Variants in MICOS10 observed in about 807,000 individuals in gnomAD.
MICOS10 encodes MICOS complex subunit MIC10.
Under a neutral mutation model 13.4 loss-of-function variants are expected in MICOS10, and 5 were observed. That is an observed-to-expected ratio of 0.37 (90% CI 0.20 to 0.78). The LOEUF (loss-of-function observed/expected upper bound fraction) is 0.78, where lower values mean the gene tolerates loss of function less well. Ranked by LOEUF, MICOS10 falls within the 30% of genes least tolerant of loss-of-function variation. MICOS10 has a pLI of 0.47. For missense variants in MICOS10, 101 were observed against 94.6 expected (o/e 1.07, Z -0.28); for synonymous variants, 35 against 33.6 (o/e 1.04, Z -0.15).
chr1:19,611,441 T>C (rs991058692), intron 1 of MICOS10, among the ~76,000 whole-genome samples: 4 of 151,156 alleles, frequency 2.6e-5, no homozygotes, highest in African/African-American at 7.3e-5. Flanking sequence ...GAAGAACTTA[T>C]CTTTCTCTTT....
At chr1:19,622,210 C>A in intron 2 of MICOS10, 63 bp downstream of exon 2, 1 of 1,367,468 alleles carries the variant, frequency 7.3e-7, no homozygotes, top group Non-Finnish European at 1.0e-6. Flanking sequence ...AGCAGGGACA[C>A]TTCCAGAGGA....
intron 1 of MICOS10, among the ~76,000 whole-genome samples, chr1:19,613,737 A>G (rs1334639901): frequency 1.3e-5 from 2 of 152,206 alleles, no homozygotes; most frequent in South Asian, 2.1e-4. Context: ...AGTTTGGAAG[A>G]TGTTTAGTTT....
chr1:19,607,692 A>G (rs1173120599), intron 1 of MICOS10, among the ~76,000 whole-genome samples: 2 of 152,242 alleles, frequency 1.3e-5, no homozygotes, highest in Non-Finnish European at 2.9e-5. Flanking sequence ...CAAGAAAAGT[A>G]GCTCTCAAAG....
intron 1 of MICOS10, among the ~76,000 whole-genome samples, chr1:19,612,324 G>A (rs1338619564): frequency 6.6e-6 from 1 of 151,694 alleles, no homozygotes; most frequent in Admixed American, 6.6e-5. Flanking sequence ...CCAAAGTGCT[G>A]TAGGTGTGAG....
At chr1:19,604,629 G>A (rs1309679002) in intron 1 of MICOS10, among the ~76,000 whole-genome samples, 1 of 152,144 alleles carries the variant, frequency 6.6e-6, no homozygotes, top group African/African-American at 2.4e-5. Flanking sequence ...ATTGTGGGTC[G>A]TGGCTATTGT....
chr1:19,625,301 A>C, intron 3 of MICOS10: 2 of 1,194,384 alleles, frequency 1.7e-6, no homozygotes, highest in East Asian at 1.2e-4. Flanking sequence ...GTACAAATGC[A>C]TGTCCTAATT....
chr1:19,614,851 C>T (rs907123755), intron 1 of MICOS10, among the ~76,000 whole-genome samples: 2 of 152,190 alleles, frequency 1.3e-5, no homozygotes, highest in African/African-American at 4.8e-5. Flanking sequence ...AGCCTCCTCT[C>T]CTGCTGTCCT....
intron 3 of MICOS10, chr1:19,625,460 A>G (rs1364685756): frequency 1.6e-6 from 2 of 1,289,326 alleles, no homozygotes; most frequent in Non-Finnish European, 2.0e-6. Flanking sequence ...TAGGGGAGCC[A>G]TCTCTGCACC....
At position 19,627,832 on chromosome 1, in the gene MICOS10, A is replaced by G. The variant is rs779048933; in HGVS notation, c.*1431A>G. On this transcript the variant is annotated 3_prime_UTR_variant, in exon 4 of 4. Coordinates refer to ENST00000322753, the MANE Select transcript of MICOS10 (RefSeq NM_001032363.4). ...TTAGACCTTAGTTCTTGCAAGTGCT[A>G]TAGTGAGTACATTCAGGGTAGCAAA... is the stretch of plus-strand genomic sequence containing the variant. 2 of 152,306 alleles carry G rather than the reference A, an allele frequency of 1.3e-5. No individual in the cohort carries two copies. The highest frequency in any genetic ancestry group is 2.9e-5 in the Non-Finnish European group (2 of 68,098). 9.4% of individuals were successfully genotyped at this position (152,306 alleles called of 1,614,324 possible).
intron 1 of MICOS10, among the ~76,000 whole-genome samples, chr1:19,617,952 C>T (rs1770488): frequency 0.11 from 16,526 of 151,632 alleles, 3,037 homozygotes; most frequent in African/African-American, 0.38. Flanking sequence ...CAGCAAAGCC[C>T]GATGTGTCAT....
chr1:19,623,136 T>C (rs1186862419), intron 2 of MICOS10, among the ~76,000 whole-genome samples: 6 of 152,062 alleles, frequency 3.9e-5, no homozygotes. Flanking sequence ...TTGGCTAAGA[T>C]GGTCTCGATC....
chr1:19,608,929 C>G (rs1365293081), intron 1 of MICOS10, among the ~76,000 whole-genome samples: 1 of 149,366 alleles, frequency 6.7e-6, no homozygotes, highest in Non-Finnish European at 1.5e-5. Flanking sequence ...CTTCTGGCCT[C>G]AAGCAATCCT....
At chr1:19,618,809 C>T (rs1384709148) in intron 1 of MICOS10, among the ~76,000 whole-genome samples, 1 of 152,236 alleles carries the variant, frequency 6.6e-6, no homozygotes, top group Non-Finnish European at 1.5e-5. Flanking sequence ...ATCTTAAAGA[C>T]TGGTAATTCC....
intron 1 of MICOS10, among the ~76,000 whole-genome samples, chr1:19,619,707 CG>C (rs2094896566): frequency 6.6e-6 from 1 of 152,072 alleles, no homozygotes; most frequent in Admixed American, 6.5e-5. Context: ...ATCTACTAGC[CG>C]GTTTTATGAT....
chr1:19,616,708 A>C (rs2094885665), intron 1 of MICOS10, among the ~76,000 whole-genome samples: 1 of 152,218 alleles, frequency 6.6e-6, no homozygotes, highest in Non-Finnish European at 1.5e-5. Flanking sequence ...CCTCTCCATG[A>C]GGTCTATCCC....
intron 2 of MICOS10, among the ~76,000 whole-genome samples, chr1:19,622,961 C>T (rs1042686184): frequency 9.8e-5 from 13 of 132,990 alleles, no homozygotes; most frequent in Middle Eastern, 5.4e-3. Context: ...CTTGCTCTGT[C>T]GCCAGGCTGG....
rs564547176 is a variant in MICOS10 at position 19,600,988 on chromosome 1, T to C, written c.64+3879T>C. 1.2e-5 allele frequency: 16 copies of C among 1,289,320 alleles called. No individual in the cohort carries two copies. In the South Asian group the frequency reaches 1.6e-4, roughly 13 times the overall value. 79.9% of individuals were successfully genotyped at this position (1,289,320 alleles called of 1,614,324 possible). On this transcript the variant is annotated intron_variant, in intron 1 of 3. Coordinates refer to ENST00000322753, the MANE Select transcript of MICOS10 (RefSeq NM_001032363.4). Reference sequence around the variant, plus strand: ...GCAACTTCTGTGAGTCCTTCTCTGTTTGGTTGTCTTATACCTAAAGTGTTT... The same window carrying C: ...GCAACTTCTGTGAGTCCTTCTCTGTCTGGTTGTCTTATACCTAAAGTGTTT...
intron 1 of MICOS10, among the ~76,000 whole-genome samples, chr1:19,619,799 A>G (rs1329993983): frequency 6.6e-6 from 1 of 152,200 alleles, no homozygotes; most frequent in Admixed American, 6.5e-5. Context: ...AGTATGTGCC[A>G]ATTCTTTTTC....
rs1201555457 is a variant in MICOS10 at position 19,628,276 on chromosome 1, C to T, written c.*1875C>T. ...TATTTTTAGTAGAGACGGTGTTTCTCCTTGGTCATGCTGGTCTCCAACTCC... is the reference window on the plus strand; with the variant it reads ...TATTTTTAGTAGAGACGGTGTTTCTTCTTGGTCATGCTGGTCTCCAACTCC... On this transcript the variant is annotated 3_prime_UTR_variant, in exon 4 of 4. Transcript: ENST00000322753. 1 of 152,132 alleles carries T rather than the reference C, an allele frequency of 6.6e-6. No homozygotes were observed. The highest frequency in any genetic ancestry group is 2.4e-5 in the African/African-American group (1 of 41,450). The allele number at this position is 152,132 out of a possible 1,614,324, so 9.4% of individuals were successfully genotyped here. A position where few individuals can be genotyped will look rare whatever the true frequency, so the allele number is the denominator to read the frequency against.
Sources: allele counts gnomAD v4.1 joint callset (sites outside exome capture counted in the v4.1 genomes callset), GRCh38; gene constraint gnomAD v4.1.1; transcripts MANE v1.5; gene names NCBI Gene and HGNC (gene_info 2026-07-23, HGNC 2026-07-21).